Variants in SLC39A8 observed in about 807,000 individuals in gnomAD.
SLC39A8 encodes metal cation symporter ZIP8.
SLC39A8 carries 15 observed loss-of-function variants against 40.4 expected under a neutral mutation model. That is an observed-to-expected ratio of 0.37 (90% CI 0.25 to 0.57). SLC39A8 has a LOEUF of 0.57. Among genes scored for constraint, SLC39A8 ranks in the 20% least tolerant of loss-of-function variants. The pLI is 0.75. For missense variants in SLC39A8, 472 were observed against 558.8 expected (o/e 0.84, Z 1.57); for synonymous variants, 223 against 221.6 (o/e 1.01, Z -0.06).
chr4:102,312,546 A>G (rs1309445762), intron 3 of SLC39A8, among the ~76,000 whole-genome samples: 2 of 152,148 alleles, frequency 1.3e-5, no homozygotes, highest in African/African-American at 2.4e-5. Context: ...ATGAGTAATT[A>G]ACTTGCACAG....
intron 8 of SLC39A8, among the ~76,000 whole-genome samples, chr4:102,267,150 G>GA (rs1313825200): frequency 6.6e-6 from 1 of 152,114 alleles, no homozygotes; most frequent in African/African-American, 2.4e-5. Context: ...GGAGAAAAAG[G>GA]AGAAAAAGTC....
chr4:102,321,460 G>T (rs889326691), intron 2 of SLC39A8, among the ~76,000 whole-genome samples: 1 of 152,182 alleles, frequency 6.6e-6, no homozygotes, highest in African/African-American at 2.4e-5. Context: ...TTGTGACCTG[G>T]AACCAATCTG....
At chr4:102,295,826 C>T (rs1733656741) in intron 6 of SLC39A8, among the ~76,000 whole-genome samples, 1 of 152,032 alleles carries the variant, frequency 6.6e-6, no homozygotes, top group African/African-American at 2.4e-5. Context: ...ACCCTAGATC[C>T]CTCCTGACAT....
intron 3 of SLC39A8, among the ~76,000 whole-genome samples, chr4:102,311,151 G>C (rs1483348413): frequency 6.6e-6 from 1 of 152,054 alleles, no homozygotes; most frequent in African/African-American, 2.4e-5. Flanking sequence ...TCAAATCCCA[G>C]CTCATCCCCT....
Position 102,263,009 on chromosome 4 carries a change from A to T in SLC39A8, c.*35T>A. 2 of 1,571,672 alleles carry T rather than the reference A, an allele frequency of 1.3e-6. No homozygotes were observed. The highest frequency in any genetic ancestry group is 1.2e-5 in the South Asian group (1 of 85,148). ...TTTTGGAGATGTTTTTATCTATTAA[A>T]TGCCTTTATTAACAACACCATCTTC... On this transcript the variant is annotated 3_prime_UTR_variant, in exon 9 of 9. Transcript: ENST00000356736.
In SLC39A8 at chr4:102,285,177, C is replaced by T. The variant is rs572469642; in HGVS notation, c.841-17098G>A. Among the ~76,000 whole-genome samples, 649 of 152,156 alleles carry T rather than the reference C, an allele frequency of 4.3e-3. 3 individuals carry two copies. Among genetic ancestry groups the T allele is most frequent in the Middle Eastern group, 0.01 (3 of 294 alleles). On this transcript the variant is annotated intron_variant, in intron 6 of 8. Coordinates refer to ENST00000356736, the MANE Select transcript of SLC39A8 (RefSeq NM_001135146.2). ...AAAAGTAATAATACCTTAATCACTT[C>T]GAAAAAGAATTAGGCTCACACATTG...
Position 102,320,300 on chromosome 4 carries a change from A to ATATATATGAGTATATATATGAGAATG in SLC39A8, c.220-4471_220-4470insCATTCTCATATATATACTCATATATA, listed in dbSNP as rs1560561132. On this transcript the variant is annotated intron_variant, in intron 2 of 8. Coordinates refer to ENST00000356736, the MANE Select transcript of SLC39A8 (RefSeq NM_001135146.2). ...TATATATGAGTATATATATGAGAAT[A>ATATATATGAGTATATATATGAGAATG]TATATATGAGTATATATATATGAGA... Among the ~76,000 whole-genome samples, 28 of 111,002 alleles carry ATATATATGAGTATATATATGAGAATG rather than the reference A, an allele frequency of 2.5e-4. 3 individuals are homozygous for ATATATATGAGTATATATATGAGAATG. The highest frequency in any genetic ancestry group is 1.8e-3 in the South Asian group (6 of 3,322). 72.8% of individuals were successfully genotyped at this position (111,002 alleles called of 152,430 possible).
At chr4:102,312,561 A>G (rs1203171745) in intron 3 of SLC39A8, among the ~76,000 whole-genome samples, 4 of 152,118 alleles carry the variant, frequency 2.6e-5, no homozygotes, top group Admixed American at 2.6e-4. Flanking sequence ...GCACAGAGCA[A>G]CTGGGGTTAA....
chr4:102,341,341 T>C (rs1221926920), intron 2 of SLC39A8, among the ~76,000 whole-genome samples: 1 of 152,106 alleles, frequency 6.6e-6, no homozygotes, highest in Non-Finnish European at 1.5e-5. Context: ...TATCTACACA[T>C]AAGAACTTGA....
At chr4:102,269,951 T>C (rs1353525495) in intron 6 of SLC39A8, among the ~76,000 whole-genome samples, 1 of 152,146 alleles carries the variant, frequency 6.6e-6, no homozygotes, top group African/African-American at 2.4e-5. Context: ...TTAGCACAGG[T>C]GGATCGGGTA....
intron 8 of SLC39A8, 152 bp from the exon 9 acceptor site, chr4:102,263,345 C>T (rs1731951979): frequency 1.6e-6 from 1 of 640,458 alleles, no homozygotes; most frequent in East Asian, 2.6e-5. Context: ...ACATGAATTC[C>T]CAGGTTTCCC....
In SLC39A8 at chr4:102,267,687, G is replaced by A. The variant is rs775090292; in HGVS notation, c.1049-13C>T. 66 of 1,568,070 alleles carry A rather than the reference G, an allele frequency of 4.2e-5. No homozygotes were observed. The highest frequency in any genetic ancestry group is 8.3e-5 in the Admixed American group (4 of 48,268). On this transcript the variant is annotated splice_polypyrimidine_tract_variant and intron_variant, in intron 7 of 8. Transcript: ENST00000356736. The stretch of plus-strand genomic sequence containing the variant: ...ATCACAAAGTCTCCTAGAAGAAGAA[G>A]AAGAAAATATCAAGTGAATAGTTTT...
At chr4:102,315,550 G>A (rs868369832) in intron 3 of SLC39A8, 118 bp downstream of exon 3, 48 of 771,728 alleles carry the variant, frequency 6.2e-5, no homozygotes, top group African/African-American at 9.0e-5. Flanking sequence ...AGTATTATTC[G>A]AAGAAGTTCT....
At chr4:102,333,212 G>A (rs1735538871) in intron 2 of SLC39A8, among the ~76,000 whole-genome samples, 1 of 152,086 alleles carries the variant, frequency 6.6e-6, no homozygotes, top group Non-Finnish European at 1.5e-5. Context: ...ATTCAAGACT[G>A]GAAGAAATGT....
rs1347788594 is a variant in SLC39A8 at position 102,305,090 on chromosome 4, C to G, written c.574G>C (p.Val192Leu). Reference sequence around the variant, plus strand: ...ACTGCCTTCTCAACATAACTGTCGACTTTGGGATCAAATCCAAATGCCTAA... The same window carrying G: ...ACTGCCTTCTCAACATAACTGTCGAGTTTGGGATCAAATCCAAATGCCTAA... Reference protein sequence around the residue: ...IPEAFGFDPKVDSYVEKAVAV... With the variant: ...IPEAFGFDPKLDSYVEKAVAV... The change falls in exon 5 of 9, where the codon GTC (valine) becomes CTC (leucine). Residue 192 changes from valine to leucine, a missense_variant. Val to Leu is a conservative substitution (Grantham distance 32). Around this residue, in one of 4 missense-constraint regions of SLC39A8, gnomAD observed 239 missense variants for 317.9 expected, o/e 0.75. Coordinates refer to ENST00000356736, the MANE Select transcript of SLC39A8 (RefSeq NM_001135146.2). 5 of 1,608,256 alleles carry G rather than the reference C, an allele frequency of 3.1e-6. No homozygotes were observed. The highest frequency in any genetic ancestry group is 4.2e-6 in the Non-Finnish European group (5 of 1,177,610).
chr4:102,303,110 G>A (rs764388393), intron 6 of SLC39A8, among the ~76,000 whole-genome samples: 2 of 151,508 alleles, frequency 1.3e-5, no homozygotes, highest in Non-Finnish European at 3.0e-5. Context: ...CCCCTTAACT[G>A]GCTTTCCTTT....
chr4:102,280,068 G>A (rs114129633), intron 6 of SLC39A8, among the ~76,000 whole-genome samples: 2,591 of 152,236 alleles, frequency 0.017, 54 homozygotes, highest in African/African-American at 0.055. Context: ...AGTGGGGATC[G>A]GGATATTTAT....
chr4:102,275,984 C>T (rs190280104), intron 6 of SLC39A8, among the ~76,000 whole-genome samples: 11 of 152,308 alleles, frequency 7.2e-5, no homozygotes, highest in Middle Eastern at 3.4e-3. Flanking sequence ...ACAGCTAAAG[C>T]AGTGTTTAGA....
chr4:102,345,169 C>G (rs1736122597), intron 1 of SLC39A8, 176 bp downstream of exon 1: 1 of 153,644 alleles, frequency 6.5e-6, no homozygotes, highest in Non-Finnish European at 1.4e-5. Flanking sequence ...CTCTTCCTGT[C>G]TTTCTGCTTT....
Sources: gnomAD v4.1 joint callset for allele counts (sites outside exome capture counted in the v4.1 genomes callset) on GRCh38, gnomAD v4.1.1 for gene constraint, gnomAD v4.1.1 regional missense constraint, MANE v1.5 for transcripts, NCBI Gene and HGNC (gene_info 2026-07-23, HGNC 2026-07-21) for gene names.